The following SLC7A14 variants were observed in gnomAD, a reference collection of about 807,000 sequenced individuals.
The protein encoded by SLC7A14 is solute carrier family 7 member 14.
Under a neutral mutation model 60.2 loss-of-function variants are expected in SLC7A14, and 37 were observed. The observed-to-expected ratio is 0.61, with a 90% confidence interval of 0.47 to 0.81. The LOEUF is 0.81. Among genes scored for constraint, SLC7A14 ranks in the 30% least tolerant of loss-of-function variants. The pLI is 0.00. For missense variants in SLC7A14, 886 were observed against 982.7 expected (o/e 0.90, Z 1.32); for synonymous variants, 399 against 395.8 (o/e 1.01, Z -0.10).
intron 1 of SLC7A14, among the ~76,000 whole-genome samples, chr3:170,562,995 C>G (rs1714695443): frequency 6.6e-6 from 1 of 152,126 alleles, no homozygotes; most frequent in African/African-American, 2.4e-5. Flanking sequence ...CTTCTGGCCT[C>G]AAGTCAACTG....
chr3:170,532,671 GTTTTTT>G lies in SLC7A14; in HGVS notation c.-152-5589_-152-5584del, dbSNP rs368903514. On this transcript the variant is annotated intron_variant, in intron 1 of 7. Transcript: ENST00000231706. The surrounding 1 kb of genome is among the most constrained non-coding windows in gnomAD (Gnocchi z 4.0). ...ACCCTGCTGTGGCCCCTGACCAGGT[GTTTTTT>G]TTTTTTTGTTGTTGTTGTTCCCTGC... Among the ~76,000 whole-genome samples, 3,806 of 145,646 alleles carry G rather than the reference GTTTTTT, an allele frequency of 0.026. 142 individuals are homozygous for G. The highest frequency in any genetic ancestry group is 0.089 in the African/African-American group (3,568 of 40,148).
intron 4 of SLC7A14, 102 bp from the exon 5 acceptor site, chr3:170,486,470 G>A: frequency 7.0e-7 from 1 of 1,435,682 alleles, no homozygotes; most frequent in South Asian, 1.2e-5. Context: ...ACATGACTGA[G>A]TGGCTGAGGG....
At position 170,535,173 on chromosome 3, in the gene SLC7A14, G is replaced by A. The variant is rs556755384; in HGVS notation, c.-152-8085C>T. On this transcript the variant is annotated intron_variant, in intron 1 of 7. Coordinates refer to ENST00000231706, the MANE Select transcript of SLC7A14 (RefSeq NM_020949.3). The surrounding 1 kb of genome is among the most constrained non-coding windows in gnomAD (Gnocchi z 4.3). Reference sequence around the variant, plus strand: ...TGGCATCACCTTCCACTCTTCTCCCGCAGATCAGGGTCTCCCAGGTTAGGG... The same window carrying A: ...TGGCATCACCTTCCACTCTTCTCCCACAGATCAGGGTCTCCCAGGTTAGGG... Among the ~76,000 whole-genome samples, 33 of 151,916 alleles carry A rather than the reference G, an allele frequency of 2.2e-4. No homozygotes were observed. The East Asian group carries it at 4.1e-3, about 19-fold the overall frequency.
In SLC7A14 at chr3:170,564,144, G is replaced by A. The variant is rs555058865; in HGVS notation, c.-153+21767C>T. On this transcript the variant is annotated intron_variant, in intron 1 of 7. Transcript: ENST00000231706. Reference sequence around the variant, plus strand: ...GTGTCGTCAGAGAGTGTCATGGAGTGGCGGGGTAATAAACAGCAGTGAATG... The same window carrying A: ...GTGTCGTCAGAGAGTGTCATGGAGTAGCGGGGTAATAAACAGCAGTGAATG... Among the ~76,000 whole-genome samples the A allele has an allele frequency of 5.6e-4, 86 of 152,332 alleles. 1 individual carries two copies. The highest frequency in any genetic ancestry group is 2.0e-3 in the Admixed American group (30 of 15,304).
At chr3:170,553,572 G>A (rs532021305) in intron 1 of SLC7A14, among the ~76,000 whole-genome samples, 48 of 152,302 alleles carry the variant, frequency 3.2e-4, no homozygotes, top group Middle Eastern at 3.4e-3. Flanking sequence ...AAAGGAAAGA[G>A]ACAGTTTAAA....
intron 1 of SLC7A14, among the ~76,000 whole-genome samples, chr3:170,534,272 C>A (rs1713769773): frequency 6.6e-6 from 1 of 152,164 alleles, no homozygotes; most frequent in South Asian, 2.1e-4. Flanking sequence ...AAGGAGCAAT[C>A]CCTATCTGAT....
chr3:170,507,052 T>C (rs1712802311), intron 2 of SLC7A14, among the ~76,000 whole-genome samples: 1 of 152,204 alleles, frequency 6.6e-6, no homozygotes, highest in South Asian at 2.1e-4. Context: ...AAGTGTACTT[T>C]CACCTGGAAG....
At chr3:170,544,059 A>AT (rs1349735438) in intron 1 of SLC7A14, among the ~76,000 whole-genome samples, 1 of 151,894 alleles carries the variant, frequency 6.6e-6, no homozygotes, top group East Asian at 1.9e-4. Context: ...TGCATTTTCT[A>AT]TTTAGACATC....
chr3:170,540,492 A>C (rs930322494), intron 1 of SLC7A14, among the ~76,000 whole-genome samples: 6 of 150,860 alleles, frequency 4.0e-5, no homozygotes, highest in Admixed American at 6.6e-5. Flanking sequence ...AATAGTTGAG[A>C]CTTTTGACAG....
At chr3:170,520,711 T>C (rs528813756) in intron 2 of SLC7A14, among the ~76,000 whole-genome samples, 1 of 152,340 alleles carries the variant, frequency 6.6e-6, no homozygotes, top group South Asian at 2.1e-4. Context: ...TTATAGACAG[T>C]GTATGAACTT....
intron 1 of SLC7A14, among the ~76,000 whole-genome samples, chr3:170,556,033 A>C (rs1482200562): frequency 6.6e-6 from 1 of 152,196 alleles, no homozygotes; most frequent in African/African-American, 2.4e-5. Flanking sequence ...TCCCCTACTA[A>C]ATGTGCAATC....
chr3:170,500,085 G>A (rs960362298), intron 3 of SLC7A14, among the ~76,000 whole-genome samples: 1 of 152,140 alleles, frequency 6.6e-6, no homozygotes, highest in East Asian at 1.9e-4. Flanking sequence ...AAGTTCTGAG[G>A]CAAGATTCCA....
chr3:170,477,432 A>G (rs934811005), intron 7 of SLC7A14, among the ~76,000 whole-genome samples: 4 of 152,330 alleles, frequency 2.6e-5, no homozygotes, highest in South Asian at 4.1e-4. Flanking sequence ...GCTCTGCTAT[A>G]TTCTAGCTAT....
At chr3:170,549,787 T>A (rs1055602268) in intron 1 of SLC7A14, among the ~76,000 whole-genome samples, 1 of 152,106 alleles carries the variant, frequency 6.6e-6, no homozygotes, top group African/African-American at 2.4e-5. Flanking sequence ...GGAGAAAACA[T>A]ATCTAGATCA....
At position 170,462,209 on chromosome 3, in the gene SLC7A14, C is replaced by G. The variant is rs1739622551; in HGVS notation, c.*4846G>C. Reference sequence around the variant, plus strand: ...TGGTAAAACCTAGTGCGAAAGGGGACGGCAATTTTCTCCAGTCTTCTATGT... The same window carrying G: ...TGGTAAAACCTAGTGCGAAAGGGGAGGGCAATTTTCTCCAGTCTTCTATGT... On this transcript the variant is annotated 3_prime_UTR_variant, in exon 8 of 8. Coordinates refer to ENST00000231706, the MANE Select transcript of SLC7A14 (RefSeq NM_020949.3). 1 of 152,184 alleles carries G rather than the reference C, an allele frequency of 6.6e-6. No homozygotes were observed. The highest frequency in any genetic ancestry group is 2.4e-5 in the African/African-American group (1 of 41,430). 9.4% of individuals were successfully genotyped at this position (152,184 alleles called of 1,614,324 possible).
chr3:170,560,889 T>G (rs777724616), intron 1 of SLC7A14, among the ~76,000 whole-genome samples: 1 of 152,226 alleles, frequency 6.6e-6, no homozygotes, highest in Non-Finnish European at 1.5e-5. Context: ...TAGTAACCAC[T>G]TTAACCACTT....
intron 1 of SLC7A14, among the ~76,000 whole-genome samples, chr3:170,528,212 G>T (rs1713567762): frequency 1.3e-5 from 2 of 152,180 alleles, no homozygotes. Context: ...GATACTAAAA[G>T]GAGGTATGAC....
intron 2 of SLC7A14, among the ~76,000 whole-genome samples, chr3:170,504,303 TTTTA>T (rs1250698904): frequency 6.6e-6 from 1 of 152,038 alleles, no homozygotes; most frequent in African/African-American, 2.4e-5. Context: ...GGAAATGGAA[TTTTA>T]TTTTATTTTT....
Position 170,507,929 on chromosome 3 carries a change from G to A in SLC7A14, c.305-6584C>T, listed in dbSNP as rs1342817804. Among the ~76,000 whole-genome samples, 7 of 152,194 alleles carry A rather than the reference G, an allele frequency of 4.6e-5. No homozygotes were observed. The East Asian group carries it at 1.3e-3, about 29-fold the overall frequency. ...ACCCCCAGGGCTGTACTGAGCATGG[G>A]AATGGGAAGAGGTGTCAGTTGCTCA... On this transcript the variant is annotated intron_variant, in intron 2 of 7. Transcript: ENST00000231706.
Sources: gnomAD v4.1 joint callset for allele counts (sites outside exome capture counted in the v4.1 genomes callset) on GRCh38, gnomAD v4.1.1 for gene constraint, Gnocchi (gnomAD v3.1) non-coding constraint, MANE v1.5 for transcripts, NCBI Gene and HGNC (gene_info 2026-07-23, HGNC 2026-07-21) for gene names.